Variants in URB2 observed in about 807,000 individuals in gnomAD.
The protein encoded by URB2 is URB2 ribosome biogenesis homolog.
Under a neutral mutation model 120.9 loss-of-function variants are expected in URB2, and 86 were observed. The ratio of observed to expected loss-of-function variants is 0.71; its 90% confidence interval spans 0.60 to 0.85. URB2 has a LOEUF of 0.85. URB2 is among the 40% of genes least tolerant of loss of function. URB2 has a pLI of 0.00. For synonymous variants in URB2, 755 were observed against 758.4 expected, an observed-to-expected ratio of 1.00 and a Z score of 0.07; for missense variants, 1,765 against 1,836.5, an observed-to-expected ratio of 0.96 and a Z score of 0.71.
intron 2 of URB2, among the ~76,000 whole-genome samples, chr1:229,629,342 G>A (rs886720733): frequency 5.9e-5 from 9 of 152,088 alleles, no homozygotes; most frequent in African/African-American, 7.2e-5. Flanking sequence ...TTTTTGCTTC[G>A]TGTGTCTGAT....
At position 229,632,424 on chromosome 1, in the gene URB2, T is replaced by C; in HGVS notation, c.282T>C (p.Asn94=). ...QNLLKNGKTI[N]LQISLVKIIN... is the part of the protein sequence containing the mutation. ...TCCTCAAGAATGGAAAGACCATTAA[T>C]CTTCAGATTTCCCTAGTCAAGGTAA... The change falls in exon 3 of 10, where the codon AAT becomes AAC. Residue 94 remains asparagine, a synonymous_variant. Transcript: ENST00000258243. 6.4e-7 allele frequency: 1 copy of C among 1,564,092 alleles called. No homozygotes were observed. Among genetic ancestry groups the C allele is most frequent in the Non-Finnish European group, 8.6e-7 (1 of 1,163,286 alleles).
chr1:229,650,661 C>T (rs1311163455), intron 7 of URB2, among the ~76,000 whole-genome samples: 1 of 152,102 alleles, frequency 6.6e-6, no homozygotes. Flanking sequence ...CAACTCCTGA[C>T]CTCAGATGAT....
Position 229,654,339 on chromosome 1 carries a change from C to G in URB2, c.4328C>G (p.Ala1443Gly). 1 of 1,614,186 alleles carries G rather than the reference C, an allele frequency of 6.2e-7. No homozygotes were observed. Among genetic ancestry groups the G allele is most frequent in the East Asian group, 2.2e-5 (1 of 44,890 alleles). The change falls in exon 9 of 10, where the codon GCT becomes GGT. Residue 1443 changes from alanine (A) to glycine (G), a missense_variant. Transcript: ENST00000258243. ...SHIAARAEEF[A>G]VFSPFMVAQY... Reference sequence around the variant, plus strand: ...ATCGCCGCACGAGCTGAGGAGTTTGCTGTGTTTTCCCCATTTATGGTGGCC... The same window carrying G: ...ATCGCCGCACGAGCTGAGGAGTTTGGTGTGTTTTCCCCATTTATGGTGGCC...
In URB2 at chr1:229,635,605, T is replaced by G; in HGVS notation, c.992T>G (p.Leu331Trp). 8.1e-6 allele frequency: 13 copies of G among 1,614,096 alleles called. 2 individuals carry two copies. In the Middle Eastern group the frequency reaches 2.0e-3, roughly 246 times the overall value. Residue 331 changes from leucine to tryptophan, a missense_variant, in exon 4 of 10, where the codon TTG (leucine) becomes TGG (tryptophan). By Grantham distance (61) the Leu-to-Trp change is moderately conservative. Transcript: ENST00000258243. ...CTCTGCTTCCAGGTTCTCCCCAGGT[T>G]GTTTGGCTGCTTGAAGATTTCACAC... Reference protein sequence around the residue: ...QLLCFQVLPRLFGCLKISHLQ... With the variant: ...QLLCFQVLPRWFGCLKISHLQ...
At chr1:229,646,937 A>G (rs757105982) in intron 6 of URB2, among the ~76,000 whole-genome samples, 3 of 152,168 alleles carry the variant, frequency 2.0e-5, no homozygotes, top group Non-Finnish European at 4.4e-5. Context: ...CTTGTTTCCA[A>G]TTTGGCTGCT....
At chr1:229,639,220 A>G (rs1280187083) in intron 4 of URB2, among the ~76,000 whole-genome samples, 2 of 152,094 alleles carry the variant, frequency 1.3e-5, no homozygotes, top group Non-Finnish European at 2.9e-5. Flanking sequence ...ACCTGAGCCC[A>G]GGGAGGTCGG....
chr1:229,656,390 AAT>A (rs1666406880), intron 9 of URB2, among the ~76,000 whole-genome samples: 2 of 152,324 alleles, frequency 1.3e-5, no homozygotes, highest in South Asian at 4.1e-4. Flanking sequence ...ATTCATGTCT[AAT>A]TTATGCTCAT....
At chr1:229,641,637 C>T (rs757333794) in intron 4 of URB2, among the ~76,000 whole-genome samples, 8 of 152,144 alleles carry the variant, frequency 5.3e-5, no homozygotes, top group Non-Finnish European at 8.8e-5. Context: ...TCCCTGTGTC[C>T]TTAAGGATGG....
chr1:229,643,755 A>G (rs1486201191), intron 5 of URB2, 62 bp downstream of exon 5: 1 of 1,569,802 alleles, frequency 6.4e-7, no homozygotes, highest in African/African-American at 1.4e-5. Flanking sequence ...AAATGGGAAA[A>G]CTGATTTGAG....
At chr1:229,626,642 T>C (rs181678003) in intron 1 of URB2, among the ~76,000 whole-genome samples, 1 of 152,368 alleles carries the variant, frequency 6.6e-6, no homozygotes, top group East Asian at 1.9e-4. Flanking sequence ...GGCTGTGCTG[T>C]CCGCCCTGGA....
intron 4 of URB2, among the ~76,000 whole-genome samples, chr1:229,641,563 A>G (rs1434534596): frequency 6.6e-6 from 1 of 152,072 alleles, no homozygotes; most frequent in Non-Finnish European, 1.5e-5. Flanking sequence ...GGAGTGGCCC[A>G]AGGCTTTGGG....
At position 229,635,105 on chromosome 1, in the gene URB2, TG is replaced by T. The variant is rs1277262661; in HGVS notation, c.493del (p.Val165TrpfsTer2). 3 of 1,613,946 alleles carry T rather than the reference TG, an allele frequency of 1.9e-6. No homozygotes were observed. The highest frequency in any genetic ancestry group is 2.5e-6 in the Non-Finnish European group (3 of 1,179,978). The stretch of plus-strand genomic sequence containing the variant: ...CGGCCTGCAGGCAGCCCGAAGGAGC[TG>T]TGGTAGCCCAGTTGTTTGAGGTCAT... ...WSACRQPEGA[V>X]VAQLFEVIHL... On this transcript the variant is annotated frameshift_variant, in exon 4 of 10. Transcript: ENST00000258243. LOFTEE classifies it high-confidence loss of function.
intron 5 of URB2, 98 bp downstream of exon 5, chr1:229,643,791 C>T (rs966541403): frequency 3.4e-6 from 5 of 1,465,226 alleles, no homozygotes; most frequent in Non-Finnish European, 4.6e-6. Context: ...TAAAACTAAA[C>T]AAGTTCTAAC....
chr1:229,636,888 G>A lies in URB2; in HGVS notation c.2275G>A (p.Val759Met), dbSNP rs773049123. 1.9e-5 allele frequency: 31 copies of A among 1,611,270 alleles called. No homozygotes were observed. Among genetic ancestry groups the A allele is most frequent in the Non-Finnish European group, 2.6e-5 (31 of 1,178,274 alleles). The change falls in exon 4 of 10, where the codon GTG (valine) becomes ATG (methionine). Residue 759 changes from valine (V) to methionine (M), a missense_variant. Transcript: ENST00000258243. ...ILISYLCPDD[V>M]GYLASVLLRT... The stretch of plus-strand genomic sequence containing the variant: ...AATATCCTATCTGTGTCCAGATGAT[G>A]TGGGATACCTGGCCAGTGTCCTGCT...
intron 4 of URB2, among the ~76,000 whole-genome samples, 173 bp downstream of exon 4, chr1:229,638,420 C>T (rs1001293157): frequency 5.5e-4 from 84 of 151,818 alleles, no homozygotes; most frequent in African/African-American, 1.8e-3. Flanking sequence ...CCGAGGCGGG[C>T]GGATCACAAG....
chr1:229,633,316 A>G (rs1206766297), intron 3 of URB2, among the ~76,000 whole-genome samples: 1 of 152,252 alleles, frequency 6.6e-6, no homozygotes, highest in Non-Finnish European at 1.5e-5. Context: ...GGCTTATTTC[A>G]AAGGATCTTT....
Position 229,637,261 on chromosome 1 carries a change from C to G in URB2, c.2648C>G (p.Pro883Arg). ...CTGTCCCTGGTCAAGAGTGACTTCCCTATCCAGCTGGAGGGAGAGCAGTTG... is the reference window on the plus strand; with the variant it reads ...CTGTCCCTGGTCAAGAGTGACTTCCGTATCCAGCTGGAGGGAGAGCAGTTG... ...NLLSLVKSDFPIQLEGEQLES... is the reference protein window; with the variant it reads ...NLLSLVKSDFRIQLEGEQLES... Residue 883 changes from proline (P) to arginine (R), a missense_variant, in exon 4 of 10, where the codon CCT (proline) becomes CGT (arginine). Coordinates refer to ENST00000258243, the MANE Select transcript of URB2 (RefSeq NM_014777.4). 1 of 1,614,092 alleles carries G rather than the reference C, an allele frequency of 6.2e-7. No individual in the cohort carries two copies. Among genetic ancestry groups the G allele is most frequent in the East Asian group, 2.2e-5 (1 of 44,884 alleles).
intron 4 of URB2, among the ~76,000 whole-genome samples, chr1:229,639,616 G>A (rs772113944): frequency 6.6e-6 from 1 of 152,172 alleles, no homozygotes; most frequent in Non-Finnish European, 1.5e-5. Flanking sequence ...GATTACAGGC[G>A]TGAGCCACCA....
At chr1:229,640,513 G>T (rs916246482) in intron 4 of URB2, among the ~76,000 whole-genome samples, 4 of 152,146 alleles carry the variant, frequency 2.6e-5, no homozygotes, top group Non-Finnish European at 5.9e-5. Context: ...CTGGAAGTCA[G>T]CCGAATCTGA....
Sources: gnomAD v4.1 joint callset for allele counts (sites outside exome capture counted in the v4.1 genomes callset) on GRCh38, gnomAD v4.1.1 for gene constraint, MANE v1.5 for transcripts, NCBI Gene and HGNC (gene_info 2026-07-23, HGNC 2026-07-21) for gene names.